Variants in TUBGCP3 observed in about 807,000 individuals in gnomAD.
The protein encoded by TUBGCP3 is gamma-tubulin complex component 3.
A neutral mutation model predicts 123.1 loss-of-function variants in TUBGCP3; 50 were observed. That is an observed-to-expected ratio of 0.41 (90% CI 0.32 to 0.51). The LOEUF is 0.51. Among genes scored for constraint, TUBGCP3 ranks in the 20% least tolerant of loss-of-function variants. The pLI is 0.36. For missense variants in TUBGCP3, 882 were observed against 1,127.0 expected, an observed-to-expected ratio of 0.78 and a Z score of 3.11; for synonymous variants, 405 against 413.9, an observed-to-expected ratio of 0.98 and a Z score of 0.26.
At chr13:112,555,125 A>G (rs1879918875) in intron 6 of TUBGCP3, 120 bp from the exon 7 acceptor site, 6 of 626,938 alleles carry the variant, frequency 9.6e-6, no homozygotes, top group Non-Finnish European at 1.7e-5. Flanking sequence ...TACTAACTCA[A>G]TAAATAAGCT....
At chr13:112,495,738 A>T (rs1185467519) in intron 20 of TUBGCP3, among the ~76,000 whole-genome samples, 1 of 152,242 alleles carries the variant, frequency 6.6e-6, no homozygotes, top group Admixed American at 6.5e-5. Context: ...TTGTTTTGGC[A>T]TCAGGTTACT....
intron 17 of TUBGCP3, 54 bp from the exon 18 acceptor site, chr13:112,504,768 C>G: frequency 2.8e-6 from 4 of 1,420,078 alleles, no homozygotes; most frequent in Non-Finnish European, 4.0e-6. Flanking sequence ...TTACCGACAA[C>G]GCGCTGTTCT....
chr13:112,542,315 G>A (rs890574212), intron 11 of TUBGCP3, among the ~76,000 whole-genome samples: 1 of 152,086 alleles, frequency 6.6e-6, no homozygotes, highest in Non-Finnish European at 1.5e-5. Flanking sequence ...CAATTGCACA[G>A]GTTTTTAAAC....
At chr13:112,556,490 T>C (rs1188055727) in intron 5 of TUBGCP3, among the ~76,000 whole-genome samples, 3 of 152,192 alleles carry the variant, frequency 2.0e-5, no homozygotes, top group Admixed American at 6.5e-5. Context: ...TACCTTACAA[T>C]ATATATTTCT....
chr13:112,543,586 C>A (rs9549538), intron 11 of TUBGCP3, among the ~76,000 whole-genome samples: 42,930 of 151,976 alleles, frequency 0.28, 6,587 homozygotes, highest in African/African-American at 0.38. Context: ...TCATTTAAAT[C>A]ATATTGACAG....
chr13:112,488,487 G>T (rs1425106486), intron 21 of TUBGCP3, among the ~76,000 whole-genome samples: 2 of 152,206 alleles, frequency 1.3e-5, no homozygotes, highest in African/African-American at 4.8e-5. Context: ...CCCTCACCCA[G>T]GCTGGGCAGC....
intron 20 of TUBGCP3, among the ~76,000 whole-genome samples, chr13:112,492,122 T>C (rs2139189277): frequency 6.6e-6 from 1 of 152,346 alleles, no homozygotes; most frequent in South Asian, 2.1e-4. Context: ...CTTTGGATGG[T>C]ATCAATACTC....
chr13:112,560,132 C>CA (rs778347153), intron 3 of TUBGCP3, among the ~76,000 whole-genome samples: 2,162 of 87,574 alleles, frequency 0.025, 31 homozygotes, highest in African/African-American at 0.047. Context: ...GACTCCGTCT[C>CA]AAAAAAAAAA....
chr13:112,494,940 G>A (rs1024637446), intron 20 of TUBGCP3, among the ~76,000 whole-genome samples: 3 of 152,308 alleles, frequency 2.0e-5, no homozygotes, highest in South Asian at 4.1e-4. Context: ...CTGTTGAGCT[G>A]TTTGGGCTCC....
At position 112,554,967 on chromosome 13, in the gene TUBGCP3, T is replaced by C. The variant is rs1879907724; in HGVS notation, c.760A>G (p.Ile254Val). Residue 254 changes from isoleucine (I) to valine (V), a missense_variant, in exon 7 of 22, where the codon ATT (isoleucine) becomes GTT (valine). Ile to Val is a conservative substitution (Grantham distance 29, BLOSUM62 3). Coordinates refer to ENST00000261965, the MANE Select transcript of TUBGCP3 (RefSeq NM_006322.6). ...TCTATGCCCTGAAAGACGTACAAAA[T>C]GTCCCTTACCAGAGCTGCTTCTGTA... ...EITEAALVRDILYVFQGIDGK... is the reference protein window; with the variant it reads ...EITEAALVRDVLYVFQGIDGK... 6.2e-7 allele frequency: 1 copy of C among 1,612,738 alleles called. No individual in the cohort carries two copies. The highest frequency in any genetic ancestry group is 1.1e-5 in the South Asian group (1 of 90,466).
intron 3 of TUBGCP3, among the ~76,000 whole-genome samples, chr13:112,560,561 T>A (rs1387402980): frequency 6.6e-6 from 1 of 152,206 alleles, no homozygotes. Context: ...TTCGCAAACA[T>A]AACAGCAGCC....
chr13:112,543,949 C>T (rs975187901), intron 11 of TUBGCP3, among the ~76,000 whole-genome samples: 1 of 152,142 alleles, frequency 6.6e-6, no homozygotes, highest in African/African-American at 2.4e-5. Flanking sequence ...GCACGAAAAG[C>T]TGGTCAGTCT....
rs75822612 is a variant in TUBGCP3, at chr13:112,573,811, C to A, written c.77-4552G>T. ...AGATACCTCCAGATCCCCCCACCCC[C>A]ACCACTGAGTGCTGGGCCCAGTTCA... On this transcript the variant is annotated intron_variant, in intron 1 of 21. Transcript: ENST00000261965. Among the ~76,000 whole-genome samples the A allele has an allele frequency of 5.3e-3, 813 of 152,360 alleles. 11 individuals are homozygous for A. The highest frequency in any genetic ancestry group is 0.042 in the East Asian group (220 of 5,182).
At chr13:112,535,096 C>A (rs1371727044) in intron 11 of TUBGCP3, among the ~76,000 whole-genome samples, 1 of 152,188 alleles carries the variant, frequency 6.6e-6, no homozygotes, top group Non-Finnish European at 1.5e-5. Flanking sequence ...CAAGATTCAC[C>A]CACACTGTAG....
intron 11 of TUBGCP3, among the ~76,000 whole-genome samples, chr13:112,535,664 G>A (rs1877986398): frequency 6.6e-6 from 1 of 152,030 alleles, no homozygotes; most frequent in African/African-American, 2.4e-5. Flanking sequence ...TTATGTATTT[G>A]GGATGGGATA....
intron 1 of TUBGCP3, among the ~76,000 whole-genome samples, chr13:112,578,615 A>T (rs982347307): frequency 2.7e-5 from 4 of 150,010 alleles, no homozygotes; most frequent in African/African-American, 9.8e-5. Context: ...CTCAAGTAGC[A>T]GAGCAGATGC....
chr13:112,603,885 G>A, the TUBGCP3 span: 1 of 152,252 alleles, frequency 6.6e-6, no homozygotes, highest in African/African-American at 2.4e-5. Context: ...GAGGGAGAGA[G>A]GCTGTTCTGC....
At chr13:112,520,944 C>A (rs1168382258) in intron 14 of TUBGCP3, among the ~76,000 whole-genome samples, 3 of 152,208 alleles carry the variant, frequency 2.0e-5, no homozygotes, top group Non-Finnish European at 4.4e-5. Context: ...AAACTAGGAA[C>A]TTAAAATACG....
chr13:112,487,336 C>T (rs537841630), intron 21 of TUBGCP3, among the ~76,000 whole-genome samples: 3 of 152,216 alleles, frequency 2.0e-5, no homozygotes, highest in East Asian at 1.9e-4. Context: ...AGAGCAGAGA[C>T]GGATTTCTGC....
Sources: allele counts gnomAD v4.1 joint callset (sites outside exome capture counted in the v4.1 genomes callset), GRCh38; gene constraint gnomAD v4.1.1; transcripts MANE v1.5; gene names NCBI Gene and HGNC (gene_info 2026-07-23, HGNC 2026-07-21).